The following PLCB4 variants were observed in gnomAD, a reference collection of about 807,000 sequenced individuals.
PLCB4 encodes 1-phosphatidylinositol 4,5-bisphosphate phosphodiesterase beta-4.
Under a neutral mutation model 178.8 loss-of-function variants are expected in PLCB4, and 77 were observed. That is an observed-to-expected ratio of 0.43 (90% CI 0.36 to 0.52). PLCB4 has a LOEUF of 0.52. PLCB4 is among the 20% of genes least tolerant of loss of function. PLCB4 has a pLI of 0.00. For missense variants in PLCB4, 1,024 were observed against 1,453.4 expected (o/e 0.70, Z 4.80); for synonymous variants, 496 against 490.8 (o/e 1.01, Z -0.14).
chr20:9,333,644 A>G lies in PLCB4; in HGVS notation c.85-3482A>G, dbSNP rs1601904934. On this transcript the variant is annotated intron_variant, in intron 4 of 39. Transcript: ENST00000378473. ...GTTTTAATAAATTCATTCAAAGTTTAAAGAATCAATCTGGCTCCTATGGGC... is the reference window on the plus strand; with the variant it reads ...GTTTTAATAAATTCATTCAAAGTTTGAAGAATCAATCTGGCTCCTATGGGC... Among the ~76,000 whole-genome samples the G allele has an allele frequency of 2.0e-5, 3 of 152,340 alleles. No homozygotes were observed. In the Middle Eastern group the frequency reaches 0.01, roughly 518 times the overall value.
intron 2 of PLCB4, among the ~76,000 whole-genome samples, chr20:9,156,819 G>GCCTCCATCCCTCCCTCCCTC (rs2092795970): frequency 3.2e-5 from 1 of 31,264 alleles, no homozygotes; most frequent in African/African-American, 1.4e-4. Context: ...TTACAGGGTT[G>GCCTCCATCCCTCCCTCCCTC]CCTCCCTCCC....
At chr20:9,471,387 C>T (rs1380287606) in intron 36 of PLCB4, among the ~76,000 whole-genome samples, 1 of 151,888 alleles carries the variant, frequency 6.6e-6, no homozygotes, top group African/African-American at 2.4e-5. Flanking sequence ...AATCAGTTAA[C>T]TTTCACCAAG....
intron 2 of PLCB4, among the ~76,000 whole-genome samples, chr20:9,146,694 G>A (rs1024843907): frequency 1.3e-5 from 2 of 152,076 alleles, no homozygotes; most frequent in Non-Finnish European, 2.9e-5. Flanking sequence ...ATGGTATTTT[G>A]ACTCACATTG....
At chr20:9,442,425 C>T (rs1705345008) in intron 30 of PLCB4, among the ~76,000 whole-genome samples, 1 of 151,406 alleles carries the variant, frequency 6.6e-6, no homozygotes, top group South Asian at 2.1e-4. Context: ...AACATTTTTA[C>T]AAATTGTGTC....
chr20:9,304,573 T>C (rs956860830), intron 3 of PLCB4, among the ~76,000 whole-genome samples: 1 of 152,222 alleles, frequency 6.6e-6, no homozygotes, highest in African/African-American at 2.4e-5. Context: ...AAGTATGATA[T>C]TCAGATCTTC....
intron 2 of PLCB4, among the ~76,000 whole-genome samples, chr20:9,128,396 C>T (rs1472844139): frequency 1.3e-5 from 2 of 152,102 alleles, no homozygotes; most frequent in Non-Finnish European, 2.9e-5. Flanking sequence ...CCAAAATGGA[C>T]TAACACACCA....
At chr20:9,254,118 A>G (rs1205842496) in intron 3 of PLCB4, among the ~76,000 whole-genome samples, 1 of 152,190 alleles carries the variant, frequency 6.6e-6, no homozygotes, top group Non-Finnish European at 1.5e-5. Flanking sequence ...TTTCCATGAT[A>G]AGTAACTGCT....
intron 2 of PLCB4, among the ~76,000 whole-genome samples, chr20:9,105,399 C>G (rs765156042): frequency 2.4e-4 from 36 of 152,086 alleles, no homozygotes; most frequent in Non-Finnish European, 4.1e-4. Context: ...TGTAGTAATA[C>G]AAAAATATCA....
At chr20:9,222,990 A>G (rs1210702942) in intron 3 of PLCB4, among the ~76,000 whole-genome samples, 3 of 152,224 alleles carry the variant, frequency 2.0e-5, no homozygotes, top group Non-Finnish European at 2.9e-5. Flanking sequence ...CCTGTTGTAC[A>G]TGAATTAGGA....
intron 3 of PLCB4, among the ~76,000 whole-genome samples, chr20:9,232,458 G>T (rs999178357): frequency 2.0e-5 from 3 of 152,054 alleles, no homozygotes; most frequent in Non-Finnish European, 2.9e-5. Flanking sequence ...ATTGTCTATT[G>T]TTGAAAACAG....
chr20:9,172,297 G>A (rs1010955033), intron 2 of PLCB4, among the ~76,000 whole-genome samples: 7 of 152,106 alleles, frequency 4.6e-5, no homozygotes, highest in African/African-American at 1.7e-4. Context: ...TCCATAATAA[G>A]AGAGAAGTCA....
chr20:9,188,963 AT>A (rs1450450366), intron 2 of PLCB4, among the ~76,000 whole-genome samples: 1 of 34,356 alleles, frequency 2.9e-5, no homozygotes, highest in African/African-American at 2.6e-4. Context: ...ATATAGTGAC[AT>A]TCTGGGTTGG....
intron 1 of PLCB4, among the ~76,000 whole-genome samples, chr20:9,091,989 A>G (rs1023576932): frequency 9.9e-5 from 15 of 152,154 alleles, no homozygotes; most frequent in Non-Finnish European, 1.5e-4. Flanking sequence ...TACAGATAAT[A>G]GAAGTTACTG....
At chr20:9,420,001 T>G (rs1381407392) in intron 26 of PLCB4, 92 bp downstream of exon 26, 3 of 757,416 alleles carry the variant, frequency 4.0e-6, no homozygotes, top group Non-Finnish European at 6.7e-6. Flanking sequence ...AATTGCAAGA[T>G]CCATGTGCTG....
chr20:9,129,056 G>A (rs2092206105), intron 2 of PLCB4, among the ~76,000 whole-genome samples: 1 of 152,104 alleles, frequency 6.6e-6, no homozygotes, highest in Non-Finnish European at 1.5e-5. Context: ...ACCACATTTT[G>A]TTGATCCCTC....
chr20:9,339,079 A>T, intron 7 of PLCB4, 42 bp downstream of exon 7: 1 of 1,505,184 alleles, frequency 6.6e-7, no homozygotes, highest in Non-Finnish European at 9.1e-7. Flanking sequence ...CCCACCATGT[A>T]TATATGTTGT....
At chr20:9,094,470 C>T (rs376771043) in intron 1 of PLCB4, among the ~76,000 whole-genome samples, 19 of 152,090 alleles carry the variant, frequency 1.2e-4, no homozygotes, top group African/African-American at 4.6e-4. Flanking sequence ...TAGTTATGAT[C>T]TGTGCATTTC....
chr20:9,280,100 A>T (rs2094481676), intron 3 of PLCB4, among the ~76,000 whole-genome samples: 1 of 152,006 alleles, frequency 6.6e-6, no homozygotes, highest in Non-Finnish European at 1.5e-5. Flanking sequence ...ATGGGGACTG[A>T]CTTGTTCAGT....
chr20:9,294,139 A>G (rs184362374), intron 3 of PLCB4, among the ~76,000 whole-genome samples: 8 of 152,262 alleles, frequency 5.3e-5, no homozygotes, highest in Admixed American at 5.2e-4. Context: ...CTCTTACCCA[A>G]TATTTTTTCC....
Sources: allele counts gnomAD v4.1 joint callset (sites outside exome capture counted in the v4.1 genomes callset), GRCh38; gene constraint gnomAD v4.1.1; transcripts MANE v1.5; gene names NCBI Gene and HGNC (gene_info 2026-07-23, HGNC 2026-07-21).